Variants in IRAK2 observed in about 807,000 individuals in gnomAD.
The protein encoded by IRAK2 is interleukin 1 receptor associated kinase 2.
In IRAK2, 57 loss-of-function variants were observed where a neutral mutation model predicts 72.0. The ratio of observed to expected loss-of-function variants is 0.79; its 90% confidence interval spans 0.64 to 0.99. IRAK2 has a LOEUF of 0.99. Ranked by LOEUF, IRAK2 falls within the 50% of genes least tolerant of loss-of-function variation. The pLI, the probability that IRAK2 is intolerant of heterozygous loss-of-function variation, is 0.00. For missense variants in IRAK2, 790 were observed against 794.4 expected (o/e 0.99, Z 0.07); for synonymous variants, 293 against 312.7 (o/e 0.94, Z 0.67).
intron 1 of IRAK2, among the ~76,000 whole-genome samples, chr3:10,173,787 T>C (rs191912678): frequency 1.3e-5 from 2 of 152,068 alleles, no homozygotes; most frequent in Admixed American, 6.6e-5. Flanking sequence ...ATCACGCCAC[T>C]GCACTCCAGC....
chr3:10,211,013 C>A (rs1380756032), intron 4 of IRAK2, among the ~76,000 whole-genome samples: 1 of 152,050 alleles, frequency 6.6e-6, no homozygotes, highest in African/African-American at 2.4e-5. Context: ...CACATGCCAG[C>A]ATGTTTGGCT....
intron 12 of IRAK2, among the ~76,000 whole-genome samples, chr3:10,240,821 A>C (rs1233228451): frequency 1.3e-5 from 2 of 151,434 alleles, no homozygotes; most frequent in Non-Finnish European, 2.9e-5. Flanking sequence ...GGCCTCCCAA[A>C]GTGCTAGGAT....
chr3:10,178,487 A>C (rs1467425055), intron 2 of IRAK2, among the ~76,000 whole-genome samples: 1 of 151,970 alleles, frequency 6.6e-6, no homozygotes, highest in East Asian at 1.9e-4. Flanking sequence ...CAAAAAAAAG[A>C]AACTGGTAAC....
chr3:10,174,304 T>C (rs1168372645), intron 1 of IRAK2, among the ~76,000 whole-genome samples: 1 of 152,124 alleles, frequency 6.6e-6, no homozygotes, highest in Non-Finnish European at 1.5e-5. Flanking sequence ...TGCAGGAGAC[T>C]GTCACCAGCC....
intron 10 of IRAK2, among the ~76,000 whole-genome samples, chr3:10,232,170 C>T (rs117525417): frequency 3.3e-5 from 5 of 152,302 alleles, no homozygotes; most frequent in East Asian, 3.9e-4. Flanking sequence ...CAACCTCTCC[C>T]GCAATGCCCT....
chr3:10,200,816 G>A (rs764364183), intron 3 of IRAK2, among the ~76,000 whole-genome samples: 4 of 152,226 alleles, frequency 2.6e-5, no homozygotes, highest in Non-Finnish European at 5.9e-5. Context: ...TAGGGGGATT[G>A]CTCGAGCCCA....
rs1197582223 is a variant in IRAK2, at chr3:10,177,938, C to G, written c.195C>G (p.Gly65=). 3 of 1,613,686 alleles carry G rather than the reference C, an allele frequency of 1.9e-6. No individual in the cohort carries two copies. In the African/African-American group the frequency reaches 4.0e-5, roughly 22 times the overall value. Residue 65 remains glycine, a synonymous_variant, in exon 2 of 13, where the codon GGC becomes GGG. Coordinates refer to ENST00000256458, the MANE Select transcript of IRAK2 (RefSeq NM_001570.4). ...SITRELLWWW[G]MRQATVQQLV... ...CGCGGGAGCTGCTGTGGTGGTGGGG[C>G]ATGCGGCAGGCCACCGTCCAGCAAC...
At chr3:10,191,428 C>A (rs1006798688) in intron 2 of IRAK2, among the ~76,000 whole-genome samples, 2 of 152,142 alleles carry the variant, frequency 1.3e-5, no homozygotes, top group African/African-American at 4.8e-5. Flanking sequence ...AGTTCCAGGG[C>A]GCTTACAGTA....
In IRAK2 at chr3:10,222,776, AT is replaced by A. The variant is rs762470995; in HGVS notation, c.1157del (p.Phe386SerfsTer7). On this transcript the variant is annotated frameshift_variant, in exon 9 of 13. Transcript: ENST00000256458. LOFTEE classifies it high-confidence loss of function. ...LRTSAAYLPE[D>X]FIRVGQLTKR... ...ACGTCAGCCGCGTATCTGCCAGAGG[AT>A]TTCATCCGGGTGGGGCAGCTGACAA... is the stretch of plus-strand genomic sequence containing the variant. 3.8e-5 allele frequency: 62 copies of A among 1,614,124 alleles called. No individual in the cohort carries two copies. In the East Asian group the frequency reaches 1.4e-3, roughly 36 times the overall value.
chr3:10,219,743 G>A lies in IRAK2; in HGVS notation c.967G>A (p.Val323Ile), dbSNP rs200632552. 1.4e-5 allele frequency: 23 copies of A among 1,613,798 alleles called. No homozygotes were observed. The East Asian group carries it at 2.9e-4, about 20-fold the overall frequency. The change falls in exon 8 of 13, where the codon GTC (valine) becomes ATC (isoleucine). Residue 323 changes from valine (V) to isoleucine (I), a missense_variant. Physicochemically the swap from Val to Ile is conservative, Grantham distance 29 (BLOSUM62 3). Coordinates refer to ENST00000256458, the MANE Select transcript of IRAK2 (RefSeq NM_001570.4). Reference sequence around the variant, plus strand: ...CATCTGCTCAGGGCTGCTCTGTGCCGTCGAGTACCTGCATGGTCTGGAGAT... The same window carrying A: ...CATCTGCTCAGGGCTGCTCTGTGCCATCGAGTACCTGCATGGTCTGGAGAT... ...VSICSGLLCAVEYLHGLEIIH... is the reference protein window; with the variant it reads ...VSICSGLLCAIEYLHGLEIIH...
chr3:10,185,602 C>T (rs193114964), intron 2 of IRAK2, among the ~76,000 whole-genome samples: 2,653 of 148,492 alleles, frequency 0.018, 144 homozygotes, highest in African/African-American at 0.065. Flanking sequence ...TGGCTGGGCG[C>T]GGTGGCTCAC....
intron 2 of IRAK2, among the ~76,000 whole-genome samples, chr3:10,189,054 A>G (rs1306349580): frequency 1.3e-5 from 2 of 152,238 alleles, no homozygotes; most frequent in African/African-American, 2.4e-5. Flanking sequence ...TGGAGCTTAC[A>G]GTCCAGTGGG....
Position 10,183,719 on chromosome 3 carries a change from C to CT in IRAK2, c.277+5699_277+5700insT, listed in dbSNP as rs879692286. On this transcript the variant is annotated intron_variant, in intron 2 of 12. Transcript: ENST00000256458. The stretch of plus-strand genomic sequence containing the variant: ...CTGGCGGCAGAGCGAGACTCCGTCT[C>CT]AAAATAAATAAATAAATAAATAAAT... Among the ~76,000 whole-genome samples the CT allele has an allele frequency of 3.1e-3, 365 of 118,566 alleles. 1 individual carries two copies. Among genetic ancestry groups the CT allele is most frequent in the Non-Finnish European group, 4.5e-3 (241 of 53,594 alleles). The allele number at this position is 118,566 out of a possible 152,430, so 77.8% of individuals were successfully genotyped here. A position where few individuals can be genotyped will look rare whatever the true frequency, so the allele number is the denominator to read the frequency against.
At chr3:10,234,733 A>T (rs776668104) in intron 11 of IRAK2, 74 bp downstream of exon 11, 4 of 1,314,878 alleles carry the variant, frequency 3.0e-6, no homozygotes, top group Non-Finnish European at 4.3e-6. Context: ...GCCCCTTCGC[A>T]GAGGCCTGGT....
At chr3:10,165,983 C>T (rs1268469129) in intron 1 of IRAK2, among the ~76,000 whole-genome samples, 1 of 152,002 alleles carries the variant, frequency 6.6e-6, no homozygotes, top group Non-Finnish European at 1.5e-5. Flanking sequence ...CCACCCTGGG[C>T]CTCCCAAAGT....
chr3:10,180,541 C>T (rs946117551), intron 2 of IRAK2, among the ~76,000 whole-genome samples: 6 of 152,078 alleles, frequency 3.9e-5, no homozygotes, highest in African/African-American at 1.4e-4. Context: ...CCAGCATGTG[C>T]AAGGGCCCTG....
chr3:10,231,652 A>G (rs1697863019), intron 10 of IRAK2, among the ~76,000 whole-genome samples: 1 of 151,520 alleles, frequency 6.6e-6, no homozygotes, highest in South Asian at 2.1e-4. Flanking sequence ...TCCATATATT[A>G]CTTTGGTTAT....
intron 2 of IRAK2, among the ~76,000 whole-genome samples, chr3:10,189,256 G>T: frequency 6.6e-6 from 1 of 152,188 alleles, no homozygotes; most frequent in East Asian, 1.9e-4. Context: ...GGACCAAGAA[G>T]TGAAGGACGA....
chr3:10,188,051 G>A (rs953128581), intron 2 of IRAK2, among the ~76,000 whole-genome samples: 3 of 152,132 alleles, frequency 2.0e-5, no homozygotes, highest in Admixed American at 1.3e-4. Flanking sequence ...GGCATCTTAG[G>A]GGCTTAAGAG....
Sources: gnomAD v4.1 joint callset for allele counts (sites outside exome capture counted in the v4.1 genomes callset) on GRCh38, gnomAD v4.1.1 for gene constraint, MANE v1.5 for transcripts, NCBI Gene and HGNC (gene_info 2026-07-23, HGNC 2026-07-21) for gene names.